ROBO2: variants seen among roughly 807,000 people sequenced by gnomAD.
The protein encoded by ROBO2 is roundabout homolog 2.
A neutral mutation model predicts 160.8 loss-of-function variants in ROBO2; 53 were observed. The observed-to-expected ratio is 0.33, with a 90% CI of 0.26 to 0.41. ROBO2 has a LOEUF of 0.41. Ranked by LOEUF, ROBO2 falls within the 10% of genes least tolerant of loss-of-function variation. ROBO2 has a pLI of 1.00. For synonymous variants in ROBO2, 664 were observed against 611.7 expected (o/e 1.09, Z -1.26); for missense variants, 1,577 against 1,722.4 (o/e 0.92, Z 1.49).
intron 2 of ROBO2, among the ~76,000 whole-genome samples, chr3:76,827,951 T>C (rs1449673712): frequency 2.0e-5 from 3 of 152,166 alleles, no homozygotes; most frequent in Non-Finnish European, 4.4e-5. Flanking sequence ...TCAGACTTAT[T>C]TATTGAAGAA....
chr3:76,431,278 A>G (rs2109017445), intron 2 of ROBO2, among the ~76,000 whole-genome samples: 1 of 152,250 alleles, frequency 6.6e-6, no homozygotes, highest in African/African-American at 2.4e-5. Flanking sequence ...TCCAACCCTT[A>G]GTAATTAGAT....
At chr3:75,966,615 G>C (rs1288840963) in intron 2 of ROBO2, among the ~76,000 whole-genome samples, 1 of 151,596 alleles carries the variant, frequency 6.6e-6, no homozygotes, top group Non-Finnish European at 1.5e-5. Context: ...TTCTCACACA[G>C]AAAAATAGTC....
At chr3:77,144,673 T>A (rs1031188219) in intron 2 of ROBO2, among the ~76,000 whole-genome samples, 1 of 152,204 alleles carries the variant, frequency 6.6e-6, no homozygotes, top group Admixed American at 6.5e-5. Context: ...ATGAAAAATA[T>A]GACAAATATA....
intron 5 of ROBO2, among the ~76,000 whole-genome samples, chr3:77,501,486 G>T (rs1482726107): frequency 1.3e-5 from 2 of 152,076 alleles, no homozygotes; most frequent in Non-Finnish European, 2.9e-5. Context: ...AGGCTGAAAG[G>T]TATAATAGAA....
At chr3:76,545,729 G>A (rs1214184644) in intron 2 of ROBO2, among the ~76,000 whole-genome samples, 4 of 151,608 alleles carry the variant, frequency 2.6e-5, no homozygotes, top group East Asian at 3.9e-4. Context: ...AGTATATTTT[G>A]TATTTTCTTA....
chr3:75,958,635 C>G (rs1948800172), intron 2 of ROBO2, among the ~76,000 whole-genome samples: 1 of 151,428 alleles, frequency 6.6e-6, no homozygotes, highest in African/African-American at 2.4e-5. Flanking sequence ...ATATAGAGAG[C>G]AAGGAAGTGG....
intron 2 of ROBO2, among the ~76,000 whole-genome samples, chr3:76,296,546 C>T (rs759787204): frequency 1.3e-5 from 2 of 152,168 alleles, no homozygotes; most frequent in South Asian, 4.1e-4. Context: ...GGATTAATCT[C>T]ACCTTCCCCT....
At chr3:77,277,567 T>TC (rs2059972614) in intron 2 of ROBO2, among the ~76,000 whole-genome samples, 1 of 152,126 alleles carries the variant, frequency 6.6e-6, no homozygotes, top group African/African-American at 2.4e-5. Context: ...GGTTTTCTGT[T>TC]CCTGTGTTAG....
chr3:76,169,171 C>T (rs371257272), intron 2 of ROBO2, among the ~76,000 whole-genome samples: 1 of 152,052 alleles, frequency 6.6e-6, no homozygotes. Flanking sequence ...TTCTGCTGTT[C>T]CTCTGGTTCA....
At chr3:77,006,042 T>C (rs900709006) in intron 2 of ROBO2, among the ~76,000 whole-genome samples, 39 of 132,024 alleles carry the variant, frequency 3.0e-4, no homozygotes, top group African/African-American at 9.7e-4. Flanking sequence ...TATTTGCTTA[T>C]AGACTTTTTT....
intron 2 of ROBO2, among the ~76,000 whole-genome samples, chr3:77,202,296 A>C (rs2082987096): frequency 6.6e-6 from 1 of 152,198 alleles, no homozygotes; most frequent in African/African-American, 2.4e-5. Flanking sequence ...TCTGCAGTGC[A>C]CAACACTTCT....
At chr3:76,651,179 T>A (rs1162791547) in intron 2 of ROBO2, among the ~76,000 whole-genome samples, 1 of 152,174 alleles carries the variant, frequency 6.6e-6, no homozygotes, top group African/African-American at 2.4e-5. Flanking sequence ...GGGGTCTGTA[T>A]CTGTCCATCT....
chr3:77,414,703 T>G (rs1054952237), intron 2 of ROBO2, among the ~76,000 whole-genome samples: 3 of 152,280 alleles, frequency 2.0e-5, no homozygotes, highest in Non-Finnish European at 4.4e-5. Flanking sequence ...GCCCAGATAT[T>G]TGGTCTTTGT....
In ROBO2 at chr3:76,290,012, T is replaced by C. The variant is rs376953465; in HGVS notation, c.109+352410T>C. ...CCATATGAGTTTTAGAATAGTTTTT[T>C]TTCCCTAATTCTATAAAAACTGTCA... On this transcript the variant is annotated intron_variant, in intron 2 of 26. Transcript: ENST00000487694. 2.5e-4 allele frequency among the ~76,000 whole-genome samples: 38 copies of C among 152,318 alleles called. 1 individual carries two copies. The highest frequency in any genetic ancestry group is 6.5e-4 in the Admixed American group (10 of 15,294).
At chr3:77,487,527 T>C (rs185650268) in intron 4 of ROBO2, among the ~76,000 whole-genome samples, 30 of 152,276 alleles carry the variant, frequency 2.0e-4, no homozygotes, top group African/African-American at 5.5e-4. Context: ...TTAATCACAT[T>C]CAGACAGCCT....
At chr3:76,677,856 C>T (rs922634781) in intron 2 of ROBO2, among the ~76,000 whole-genome samples, 36 of 151,434 alleles carry the variant, frequency 2.4e-4, no homozygotes, top group Admixed American at 2.4e-3. Flanking sequence ...TAGCATAATC[C>T]CAGGGTTATG....
At chr3:77,530,035 AT>A in intron 6 of ROBO2, among the ~76,000 whole-genome samples, 1 of 152,080 alleles carries the variant, frequency 6.6e-6, no homozygotes, top group South Asian at 2.1e-4. Flanking sequence ...ATGATTACAT[AT>A]TAAAATCATA....
At chr3:77,070,285 A>G (rs2067269031) in intron 1 of ROBO2, among the ~76,000 whole-genome samples, 1 of 152,174 alleles carries the variant, frequency 6.6e-6, no homozygotes, top group African/African-American at 2.4e-5. Flanking sequence ...AATTGATTAC[A>G]ACAACCCTAG....
chr3:76,648,792 T>C (rs1477708824), intron 2 of ROBO2, among the ~76,000 whole-genome samples: 1 of 152,150 alleles, frequency 6.6e-6, no homozygotes, highest in Non-Finnish European at 1.5e-5. Context: ...AAATATCTTA[T>C]AATAAGACTA....
Sources: allele counts gnomAD v4.1 joint callset (sites outside exome capture counted in the v4.1 genomes callset), GRCh38; gene constraint gnomAD v4.1.1; transcripts MANE v1.5; gene names NCBI Gene and HGNC (gene_info 2026-07-23, HGNC 2026-07-21).